ZFAND4: variants seen among roughly 807,000 people sequenced by gnomAD.
ZFAND4 encodes the protein AN1-type zinc finger protein 4.
ZFAND4 carries 43 observed loss-of-function variants against 64.4 expected under a neutral mutation model. The observed-to-expected ratio is 0.67, with a 90% CI of 0.52 to 0.86. ZFAND4 has a LOEUF of 0.86. Ranked by LOEUF, ZFAND4 falls within the 40% of genes least tolerant of loss-of-function variation. ZFAND4 has a pLI of 0.00. For missense variants in ZFAND4, 929 were observed against 859.8 expected (o/e 1.08, Z -1.01); for synonymous variants, 296 against 305.7 (o/e 0.97, Z 0.33).
At chr10:45,629,257 C>G (rs1452219048) in intron 6 of ZFAND4, among the ~76,000 whole-genome samples, 3 of 151,890 alleles carry the variant, frequency 2.0e-5, no homozygotes, top group Non-Finnish European at 4.4e-5. Context: ...GAGATGGGGT[C>G]TCCCTATGTT....
chr10:45,664,888 G>A (rs896633882), intron 1 of ZFAND4, among the ~76,000 whole-genome samples: 7 of 151,788 alleles, frequency 4.6e-5, no homozygotes, highest in Admixed American at 6.5e-5. Flanking sequence ...CCGAGATTGC[G>A]CCACAACACC....
chr10:45,659,746 A>T (rs937412112), intron 2 of ZFAND4, among the ~76,000 whole-genome samples: 2 of 152,154 alleles, frequency 1.3e-5, no homozygotes, highest in African/African-American at 2.4e-5. Flanking sequence ...ATGAAATAAC[A>T]GATTGATAAT....
In ZFAND4 at chr10:45,665,263, G is replaced by A. The variant is rs535777711; in HGVS notation, c.-117-1421C>T. 1.3e-3 allele frequency among the ~76,000 whole-genome samples: 194 copies of A among 152,234 alleles called. 1 individual carries two copies. Among genetic ancestry groups the A allele is most frequent in the African/African-American group, 4.3e-3 (179 of 41,546 alleles). On this transcript the variant is annotated intron_variant, in intron 1 of 9. Transcript: ENST00000344646. ...TTAAAAATAGCTTTATTGAGGGCCA[G>A]GCACAGTGGCTCACACCTGTAATCC...
At chr10:45,619,322 G>C (rs2045245127) in intron 8 of ZFAND4, among the ~76,000 whole-genome samples, 1 of 152,044 alleles carries the variant, frequency 6.6e-6, no homozygotes, top group African/African-American at 2.4e-5. Flanking sequence ...GGGATTACAG[G>C]TGTGAGCCAC....
chr10:45,642,516 A>C (rs1254528097), intron 5 of ZFAND4, among the ~76,000 whole-genome samples: 1 of 151,038 alleles, frequency 6.6e-6, no homozygotes, highest in Non-Finnish European at 1.5e-5. Flanking sequence ...CTGAGGCAGG[A>C]GAATGGCGTG....
At chr10:45,624,144 C>T (rs1419367929) in intron 8 of ZFAND4, among the ~76,000 whole-genome samples, 2 of 152,172 alleles carry the variant, frequency 1.3e-5, no homozygotes, top group African/African-American at 2.4e-5. Flanking sequence ...GCTGGCCCTA[C>T]AGACTGTCCC....
chr10:45,664,969 G>A (rs569706609), intron 1 of ZFAND4, among the ~76,000 whole-genome samples: 6 of 151,998 alleles, frequency 3.9e-5, no homozygotes, highest in Middle Eastern at 3.2e-3. Flanking sequence ...AATCATCAAC[G>A]GTTTCCAGAG....
At chr10:45,659,511 C>G (rs1393905716) in intron 2 of ZFAND4, among the ~76,000 whole-genome samples, 20 of 152,164 alleles carry the variant, frequency 1.3e-4, no homozygotes. Flanking sequence ...TAAAACCTCA[C>G]TCTAATGTCC....
At chr10:45,669,596 A>G (rs1450327263) in intron 1 of ZFAND4, among the ~76,000 whole-genome samples, 5 of 152,248 alleles carry the variant, frequency 3.3e-5, no homozygotes, top group Admixed American at 2.6e-4. Flanking sequence ...ATTTTAGACC[A>G]GTATCCCTGA....
intron 5 of ZFAND4, among the ~76,000 whole-genome samples, chr10:45,643,506 T>C (rs2047169235): frequency 6.6e-6 from 1 of 151,080 alleles, no homozygotes. Context: ...CCGTCTCTGC[T>C]AAAAATACAA....
intron 6 of ZFAND4, among the ~76,000 whole-genome samples, chr10:45,634,477 C>T (rs995613105): frequency 2.0e-5 from 3 of 148,664 alleles, no homozygotes; most frequent in Non-Finnish European, 3.0e-5. Flanking sequence ...TGCAGTGAGC[C>T]GAGACCACAC....
chr10:45,654,246 C>T lies in ZFAND4; in HGVS notation c.185-1187G>A, dbSNP rs116123750. On this transcript the variant is annotated intron_variant, in intron 2 of 9. Transcript: ENST00000344646. ...ATCCTGGGTGACAGGATAATTCATA[C>T]ACCAAACTTCAGCAACACACAATTT... Among the ~76,000 whole-genome samples, 653 of 152,268 alleles carry T rather than the reference C, an allele frequency of 4.3e-3. 5 individuals are homozygous for T. The highest frequency in any genetic ancestry group is 0.015 in the African/African-American group (622 of 41,546).
chr10:45,619,202 C>CA (rs2045233433), intron 8 of ZFAND4, among the ~76,000 whole-genome samples: 1 of 147,326 alleles, frequency 6.8e-6, no homozygotes, highest in Non-Finnish European at 1.5e-5. Context: ...CCACGCTCAG[C>CA]TTTTTTTTTT....
intron 1 of ZFAND4, among the ~76,000 whole-genome samples, chr10:45,666,866 CT>C (rs1169080042): frequency 6.6e-6 from 1 of 152,166 alleles, no homozygotes; most frequent in African/African-American, 2.4e-5. Flanking sequence ...GTTGATCTAC[CT>C]ATGCCAGTAC....
intron 5 of ZFAND4, among the ~76,000 whole-genome samples, chr10:45,643,669 C>CAAAAAAAAAAAAAAAAAAAAAAAA (rs755281191): frequency 1.8e-5 from 1 of 56,070 alleles, no homozygotes; most frequent in Non-Finnish European, 3.9e-5. Context: ...GACTCCATCT[C>CAAAAAAAAAAAAAAAAAAAAAAAA]AAAAAAAAAA....
In ZFAND4 at chr10:45,639,911, A is replaced by G. The variant is rs891662902; in HGVS notation, c.622T>C (p.Ser208Pro). 1.5e-5 allele frequency: 24 copies of G among 1,613,466 alleles called. No individual in the cohort carries two copies. Among genetic ancestry groups the G allele is most frequent in the East Asian group, 2.2e-5 (1 of 44,852 alleles). Residue 208 changes from serine (S) to proline (P), a missense_variant, in exon 6 of 10, where the codon TCT becomes CCT. Transcript: ENST00000344646. Reference protein sequence around the residue: ...DTDEDEETEPSSSGQQIIENS... With the variant: ...DTDEDEETEPPSSGQQIIENS... ...TCAATTATCTGTTGCCCAGAAGAAG[A>G]AGGCTCAGTTTCTTCATCCTCATCT...
intron 2 of ZFAND4, among the ~76,000 whole-genome samples, chr10:45,656,501 C>CAAAAAAAAAAAAAAAA (rs541781976): frequency 2.1e-3 from 52 of 24,576 alleles, no homozygotes; most frequent in Non-Finnish European, 2.5e-3. Flanking sequence ...GAACCTGTCT[C>CAAAAAAAAAAAAAAAA]AAAAAAAAAA....
intron 6 of ZFAND4, among the ~76,000 whole-genome samples, chr10:45,638,552 A>G (rs963613367): frequency 1.3e-5 from 2 of 152,138 alleles, no homozygotes; most frequent in Admixed American, 6.6e-5. Flanking sequence ...CTGGCATAAT[A>G]CTAAAGTTAA....
At chr10:45,656,180 G>A (rs1025657432) in intron 2 of ZFAND4, among the ~76,000 whole-genome samples, 1 of 152,152 alleles carries the variant, frequency 6.6e-6, no homozygotes, top group Non-Finnish European at 1.5e-5. Context: ...GCAGTGAGCT[G>A]AGATCGCACC....
Sources: allele counts gnomAD v4.1 joint callset (sites outside exome capture counted in the v4.1 genomes callset), GRCh38; gene constraint gnomAD v4.1.1; transcripts MANE v1.5; gene names NCBI Gene and HGNC (gene_info 2026-07-23, HGNC 2026-07-21).